Variants in HMGCLL1 observed in about 807,000 individuals in gnomAD.
HMGCLL1 encodes the protein 3-hydroxymethyl-3-methylglutaryl-CoA lyase, cytoplasmic.
In HMGCLL1, 36 loss-of-function variants were observed where a neutral mutation model predicts 39.1. The observed-to-expected ratio is 0.92, with a 90% confidence interval of 0.71 to 1.22. The LOEUF (loss-of-function observed/expected upper bound fraction) is 1.22, where lower values mean the gene tolerates loss of function less well. HMGCLL1 is among the 50% of genes most tolerant of loss of function. The probability of loss-of-function intolerance (pLI) is 0.00; values close to 1 mark genes in which losing one functional copy is unlikely to be tolerated. For missense variants in HMGCLL1, 451 were observed against 416.5 expected (o/e 1.08, Z -0.72); for synonymous variants, 149 against 144.0 (o/e 1.03, Z -0.25).
chr6:55,564,931 A>G (rs1279293843), intron 1 of HMGCLL1, among the ~76,000 whole-genome samples: 1 of 151,986 alleles, frequency 6.6e-6, no homozygotes, highest in East Asian at 1.9e-4. Context: ...TTTCCACCTC[A>G]GCCTGTGAAT....
intron 1 of HMGCLL1, among the ~76,000 whole-genome samples, chr6:55,545,801 AAAAAGTC>A (rs1769932175): frequency 1.3e-5 from 2 of 152,272 alleles, no homozygotes; most frequent in East Asian, 3.9e-4. Flanking sequence ...CATTAGAAAA[AAAAAGTC>A]AATACAGAGA....
At chr6:55,497,778 T>C (rs1293961246) in intron 6 of HMGCLL1, among the ~76,000 whole-genome samples, 1 of 152,144 alleles carries the variant, frequency 6.6e-6, no homozygotes, top group Non-Finnish European at 1.5e-5. Flanking sequence ...GAGAAGAATG[T>C]TCTAGGAAGA....
At chr6:55,550,365 C>T (rs1770263091) in intron 1 of HMGCLL1, among the ~76,000 whole-genome samples, 1 of 151,850 alleles carries the variant, frequency 6.6e-6, no homozygotes. Flanking sequence ...GCCACTTTAT[C>T]CAAGGTCATG....
At chr6:55,589,140 A>G in the HMGCLL1 span, among the ~76,000 whole-genome samples, 1 of 152,134 alleles carries the variant, frequency 6.6e-6, no homozygotes, top group Admixed American at 6.6e-5. Flanking sequence ...GATGAACATC[A>G]ATGCAAAAAT....
intron 6 of HMGCLL1, among the ~76,000 whole-genome samples, chr6:55,497,948 A>T (rs139857969): frequency 4.2e-3 from 636 of 152,302 alleles, no homozygotes; most frequent in Non-Finnish European, 6.0e-3. Context: ...TGAACAGAGT[A>T]ATCACAGTTT....
At chr6:55,521,875 T>C (rs1178248687) in intron 3 of HMGCLL1, among the ~76,000 whole-genome samples, 1 of 152,048 alleles carries the variant, frequency 6.6e-6, no homozygotes, top group Non-Finnish European at 1.5e-5. Context: ...AAAGGAATGT[T>C]GAAAGCCCCG....
At chr6:55,664,195 G>A in the HMGCLL1 span, among the ~76,000 whole-genome samples, 1 of 151,786 alleles carries the variant, frequency 6.6e-6, no homozygotes, top group East Asian at 1.9e-4. Context: ...TGATATGTAT[G>A]GATTTGGTTT....
the HMGCLL1 span, among the ~76,000 whole-genome samples, chr6:55,589,687 T>A: frequency 0.085 from 12,917 of 152,034 alleles, 728 homozygotes; most frequent in Non-Finnish European, 0.13. Flanking sequence ...TTAAGCTGAT[T>A]AGCAACTTCA....
chr6:55,650,639 A>G, the HMGCLL1 span, among the ~76,000 whole-genome samples: 43 of 152,020 alleles, frequency 2.8e-4, no homozygotes, highest in African/African-American at 9.9e-4. Flanking sequence ...AAGTTCCCCT[A>G]TCCCCCGGGT....
chr6:55,665,955 C>A, the HMGCLL1 span, among the ~76,000 whole-genome samples: 5 of 151,720 alleles, frequency 3.3e-5, no homozygotes, highest in African/African-American at 1.2e-4. Context: ...CAACTGAAAC[C>A]TACAGGAAGG....
At position 55,544,307 on chromosome 6, in the gene HMGCLL1, A is replaced by G. The variant is rs78858243; in HGVS notation, c.109-2167T>C. Reference sequence around the variant, plus strand: ...GAAGGCTGTTATTTAAAATCGGGGGAAAACGAAACAGCCTTTGAAATAGTA... The same window carrying G: ...GAAGGCTGTTATTTAAAATCGGGGGGAAACGAAACAGCCTTTGAAATAGTA... On this transcript the variant is annotated intron_variant, in intron 1 of 8. Transcript: ENST00000274901. 7.5e-4 allele frequency among the ~76,000 whole-genome samples: 114 copies of G among 152,158 alleles called. No individual in the cohort carries two copies. The East Asian group carries it at 0.017, about 22-fold the overall frequency.
rs570836545 is a variant in HMGCLL1 at position 55,439,469 on chromosome 6, A to T, written c.886T>A (p.Leu296Met). Residue 296 changes from leucine to methionine, a missense_variant, in exon 8 of 9, where the codon TTG becomes ATG. Physicochemically the swap from Leu to Met is conservative, Grantham distance 15. Coordinates refer to ENST00000274901, the MANE Select transcript of HMGCLL1 (RefSeq NM_001042406.2). ...GASGNVATED[L>M]IYMLNGLGLN... ...CCCAGGCCATTAAGCATATATATCA[A>T]ATCCTCAGTGGCTACATTCCCAGAA... 4.3e-6 allele frequency: 7 copies of T among 1,612,686 alleles called. No homozygotes were observed. Among genetic ancestry groups the T allele is most frequent in the Non-Finnish European group, 5.9e-6 (7 of 1,179,140 alleles).
intron 1 of HMGCLL1, among the ~76,000 whole-genome samples, chr6:55,554,202 A>G (rs1177419909): frequency 6.6e-6 from 1 of 152,206 alleles, no homozygotes; most frequent in African/African-American, 2.4e-5. Flanking sequence ...AATTAAATAC[A>G]TTAATAATTC....
chr6:55,473,382 C>T (rs1280952880), intron 7 of HMGCLL1, among the ~76,000 whole-genome samples: 2 of 151,292 alleles, frequency 1.3e-5, no homozygotes, highest in African/African-American at 2.4e-5. Flanking sequence ...TACTTTATCT[C>T]CTAGCATATC....
chr6:55,650,590 G>C, the HMGCLL1 span, among the ~76,000 whole-genome samples: 1 of 151,958 alleles, frequency 6.6e-6, no homozygotes, highest in East Asian at 2.0e-4. Flanking sequence ...CCAGCACCAA[G>C]TTACCTTGCC....
the HMGCLL1 span, among the ~76,000 whole-genome samples, chr6:55,646,241 C>T: frequency 2.6e-5 from 4 of 151,676 alleles, no homozygotes; most frequent in Non-Finnish European, 4.4e-5. Flanking sequence ...GGTGTAATGG[C>T]TCCTTTTTCA....
chr6:55,647,013 G>C, the HMGCLL1 span, among the ~76,000 whole-genome samples: 1 of 151,760 alleles, frequency 6.6e-6, no homozygotes, highest in Non-Finnish European at 1.5e-5. Context: ...CTTGTAGTGG[G>C]GTCTATGTCT....
the HMGCLL1 span, among the ~76,000 whole-genome samples, chr6:55,642,576 C>A: frequency 6.6e-6 from 1 of 152,136 alleles, no homozygotes; most frequent in East Asian, 1.9e-4. Flanking sequence ...TCATCCCCCT[C>A]AAGCATTTAT....
At chr6:55,642,156 G>T in the HMGCLL1 span, among the ~76,000 whole-genome samples, 1 of 137,042 alleles carries the variant, frequency 7.3e-6, no homozygotes, top group Non-Finnish European at 1.5e-5. Flanking sequence ...AGAATATGCG[G>T]TGTTTGGTTT....
Sources: allele counts gnomAD v4.1 joint callset (sites outside exome capture counted in the v4.1 genomes callset), GRCh38; gene constraint gnomAD v4.1.1; transcripts MANE v1.5; gene names NCBI Gene and HGNC (gene_info 2026-07-23, HGNC 2026-07-21).